AOAH: variants seen among roughly 807,000 people sequenced by gnomAD.
AOAH encodes the protein acyloxyacyl hydrolase (neutrophil).
In AOAH, 64 loss-of-function variants were observed where a neutral mutation model predicts 92.2. That is an observed-to-expected ratio of 0.69 (90% CI 0.57 to 0.86). AOAH has a LOEUF of 0.86. Among genes scored for constraint, AOAH ranks in the 40% least tolerant of loss-of-function variants. The pLI is 0.00. For missense variants in AOAH, 656 were observed against 694.6 expected, an observed-to-expected ratio of 0.94 and a Z score of 0.62; for synonymous variants, 263 against 254.5, an observed-to-expected ratio of 1.03 and a Z score of -0.32.
At chr7:36,678,048 CTA>C (rs1796366430) in intron 2 of AOAH, among the ~76,000 whole-genome samples, 1 of 152,204 alleles carries the variant, frequency 6.6e-6, no homozygotes, top group African/African-American at 2.4e-5. Context: ...ACACGCAACT[CTA>C]TGACTGTACT....
intron 12 of AOAH, among the ~76,000 whole-genome samples, chr7:36,588,034 A>G (rs2116744259): frequency 6.6e-6 from 1 of 152,366 alleles, no homozygotes; most frequent in South Asian, 2.1e-4. Flanking sequence ...TTTATTATGC[A>G]GTACAAATGC....
chr7:36,599,215 C>T lies in AOAH; in HGVS notation c.847-4785G>A, dbSNP rs560685229. On this transcript the variant is annotated intron_variant, in intron 11 of 20. Transcript: ENST00000617537. ...ATGCATCGAGAAAGCCCACTGGTTC[C>T]CATTTTTGATGGATATTTAGTAAAT... Among the ~76,000 whole-genome samples the T allele has an allele frequency of 2.0e-5, 3 of 152,190 alleles. No individual in the cohort carries two copies. In the South Asian group the frequency reaches 6.2e-4, roughly 32 times the overall value.
At chr7:36,556,481 C>T (rs1294354131) in intron 13 of AOAH, among the ~76,000 whole-genome samples, 57 of 152,098 alleles carry the variant, frequency 3.7e-4, no homozygotes, top group African/African-American at 1.4e-3. Flanking sequence ...GTGGAGAGTT[C>T]TGTAGATGTT....
intron 2 of AOAH, among the ~76,000 whole-genome samples, chr7:36,674,517 T>C (rs983437345): frequency 9.9e-5 from 15 of 152,242 alleles, no homozygotes; most frequent in African/African-American, 3.4e-4. Flanking sequence ...CACTGCCACC[T>C]TCATCACAGG....
intron 1 of AOAH, among the ~76,000 whole-genome samples, chr7:36,718,439 A>T (rs756210704): frequency 5.9e-5 from 9 of 152,196 alleles, no homozygotes; most frequent in Admixed American, 1.3e-4. Context: ...ATGCCCTAGA[A>T]ATTCCACTCC....
At chr7:36,573,780 G>A (rs148775422) in intron 13 of AOAH, among the ~76,000 whole-genome samples, 37 of 152,256 alleles carry the variant, frequency 2.4e-4, no homozygotes, top group Non-Finnish European at 5.1e-4. Context: ...ATGTATAGAC[G>A]TTTTTGAGAT....
chr7:36,514,356 G>T (rs908432972), intron 20 of AOAH: 5 of 726,774 alleles, frequency 6.9e-6, no homozygotes, highest in East Asian at 2.9e-5. Flanking sequence ...CTGACTGGGT[G>T]GGGGGTGGGA....
chr7:36,563,147 C>CA (rs60240330), intron 13 of AOAH, among the ~76,000 whole-genome samples: 402 of 36,044 alleles, frequency 0.011, 104 homozygotes, highest in Non-Finnish European at 0.015. Context: ...AACTCCGTCT[C>CA]AAAAAAAAAA....
intron 4 of AOAH, among the ~76,000 whole-genome samples, chr7:36,657,157 G>T (rs1794944272): frequency 6.6e-6 from 1 of 152,166 alleles, no homozygotes; most frequent in Non-Finnish European, 1.5e-5. Flanking sequence ...TTCGACATCA[G>T]TTGTTTCTGG....
intron 3 of AOAH, among the ~76,000 whole-genome samples, chr7:36,663,833 G>T (rs1286221854): frequency 1.3e-5 from 2 of 152,114 alleles, no homozygotes; most frequent in African/African-American, 2.4e-5. Context: ...TATGAATCCT[G>T]GCTTGTATGG....
intron 11 of AOAH, among the ~76,000 whole-genome samples, chr7:36,608,172 C>T (rs1341482785): frequency 1.3e-5 from 2 of 152,230 alleles, no homozygotes; most frequent in Non-Finnish European, 2.9e-5. Context: ...GGGTGTCCAA[C>T]ACCAGTCCTC....
intron 11 of AOAH, among the ~76,000 whole-genome samples, chr7:36,606,280 GAGT>G (rs1790995494): frequency 6.6e-6 from 1 of 152,168 alleles, no homozygotes; most frequent in Non-Finnish European, 1.5e-5. Flanking sequence ...GGTTAATAAA[GAGT>G]AGCCAAATCT....
At chr7:36,580,927 T>A (rs1362404202) in intron 12 of AOAH, among the ~76,000 whole-genome samples, 1 of 152,128 alleles carries the variant, frequency 6.6e-6, no homozygotes, top group Non-Finnish European at 1.5e-5. Flanking sequence ...TCCTCAACAT[T>A]TAGCATTCAT....
At chr7:36,633,640 C>T (rs565192115) in intron 5 of AOAH, among the ~76,000 whole-genome samples, 306 of 152,108 alleles carry the variant, frequency 2.0e-3, no homozygotes, top group Non-Finnish European at 3.6e-3. Context: ...GGAGACAGGA[C>T]GGGGAGCAGG....
chr7:36,645,212 T>G (rs989630867), intron 4 of AOAH, among the ~76,000 whole-genome samples: 1 of 152,164 alleles, frequency 6.6e-6, no homozygotes, highest in East Asian at 1.9e-4. Flanking sequence ...GATTAGGTCA[T>G]GAGGCTGGAG....
At chr7:36,664,970 C>T (rs1028637258) in intron 3 of AOAH, among the ~76,000 whole-genome samples, 5 of 152,198 alleles carry the variant, frequency 3.3e-5, no homozygotes, top group Non-Finnish European at 4.4e-5. Context: ...AGCACGAAGT[C>T]GCTCATTACC....
chr7:36,540,628 C>A, intron 15 of AOAH, 137 bp from the exon 16 acceptor site: 1 of 767,522 alleles, frequency 1.3e-6, no homozygotes, highest in Non-Finnish European at 2.0e-6. Context: ...GAGCTATTTG[C>A]AAAATATTCC....
At chr7:36,517,230 C>CTG (rs1205876365) in intron 20 of AOAH, among the ~76,000 whole-genome samples, 2 of 83,106 alleles carry the variant, frequency 2.4e-5, no homozygotes, top group Non-Finnish European at 4.8e-5. Context: ...CTTTCTGTCT[C>CTG]TCTCTCTCTC....
intron 15 of AOAH, among the ~76,000 whole-genome samples, chr7:36,544,121 A>G (rs1583778607): frequency 6.6e-6 from 1 of 150,662 alleles, no homozygotes; most frequent in African/African-American, 2.4e-5. Context: ...TAATTTTTCT[A>G]TTTTTGGTAG....
Sources: gnomAD v4.1 joint callset for allele counts (sites outside exome capture counted in the v4.1 genomes callset) on GRCh38, gnomAD v4.1.1 for gene constraint, MANE v1.5 for transcripts, NCBI Gene and HGNC (gene_info 2026-07-23, HGNC 2026-07-21) for gene names.